Variants in ADAMTS17 observed in about 807,000 individuals in gnomAD.
ADAMTS17 encodes A disintegrin and metalloproteinase with thrombospondin motifs 17.
ADAMTS17 carries 113 observed loss-of-function variants against 141.5 expected under a neutral mutation model. The ratio of observed to expected loss-of-function variants is 0.80; its 90% CI spans 0.69 to 0.93. The LOEUF (loss-of-function observed/expected upper bound fraction) is 0.93, where lower values mean the gene tolerates loss of function less well. Among genes scored for constraint, ADAMTS17 ranks in the 40% least tolerant of loss-of-function variants. The probability of loss-of-function intolerance (pLI) is 0.00; values close to 1 mark genes in which losing one functional copy is unlikely to be tolerated. For missense variants in ADAMTS17, 1,659 were observed against 1,517.9 expected (o/e 1.09, Z -1.54); for synonymous variants, 768 against 630.6 (o/e 1.22, Z -3.27).
chr15:100,158,834 G>C (rs931913994), intron 8 of ADAMTS17, among the ~76,000 whole-genome samples: 1 of 151,324 alleles, frequency 6.6e-6, no homozygotes, highest in South Asian at 2.1e-4. Context: ...TTTCTCTAAA[G>C]AAGACATACA....
intron 10 of ADAMTS17, among the ~76,000 whole-genome samples, chr15:100,133,683 C>A (rs534682155): frequency 6.6e-6 from 1 of 152,254 alleles, no homozygotes; most frequent in Non-Finnish European, 1.5e-5. Flanking sequence ...GAGGGGCTGT[C>A]TAGGGGACAC....
chr15:100,115,264 A>T (rs2037042430), intron 13 of ADAMTS17, among the ~76,000 whole-genome samples: 1 of 152,156 alleles, frequency 6.6e-6, no homozygotes, highest in African/African-American at 2.4e-5. Context: ...AGCCAGGCGG[A>T]GGGAGGCAAA....
intron 15 of ADAMTS17, among the ~76,000 whole-genome samples, chr15:100,068,070 C>T (rs1049164778): frequency 6.6e-6 from 1 of 152,096 alleles, no homozygotes; most frequent in Non-Finnish European, 1.5e-5. Context: ...TGTGCTTTTC[C>T]AACGGTCTTA....
chr15:100,240,329 T>A (rs1335762152), intron 7 of ADAMTS17, among the ~76,000 whole-genome samples: 1 of 152,224 alleles, frequency 6.6e-6, no homozygotes, highest in East Asian at 1.9e-4. Context: ...CCCAGATGCC[T>A]TCAGCAACGT....
intron 10 of ADAMTS17, among the ~76,000 whole-genome samples, chr15:100,136,823 G>A (rs1050379115): frequency 2.0e-5 from 3 of 152,162 alleles, no homozygotes; most frequent in Non-Finnish European, 2.9e-5. Flanking sequence ...AAAATAATGA[G>A]CCCAGAGGCG....
rs372210388 is a variant in ADAMTS17 at position 100,127,293 on chromosome 15, T to C, written c.1721+4714A>G. ...GGATTTGGGTGGGCCCTAAATCCAATGACAAGCGTTCTTCCAAGGGAAGAA... is the reference window on the plus strand; with the variant it reads ...GGATTTGGGTGGGCCCTAAATCCAACGACAAGCGTTCTTCCAAGGGAAGAA... On this transcript the variant is annotated intron_variant, in intron 12 of 21. Transcript: ENST00000268070. Among the ~76,000 whole-genome samples the C allele has an allele frequency of 2.7e-4, 41 of 152,160 alleles. No homozygotes were observed. The East Asian group carries it at 7.0e-3, about 26-fold the overall frequency.
chr15:100,060,326 A>G (rs1213368244), intron 15 of ADAMTS17, among the ~76,000 whole-genome samples: 1 of 152,242 alleles, frequency 6.6e-6, no homozygotes, highest in Non-Finnish European at 1.5e-5. Flanking sequence ...CCACCAGGGC[A>G]GAACAAAACC....
intron 3 of ADAMTS17, among the ~76,000 whole-genome samples, chr15:100,293,555 CTG>C (rs905680838): frequency 1.3e-5 from 2 of 152,190 alleles, no homozygotes; most frequent in Admixed American, 6.5e-5. Context: ...GACTGGAACT[CTG>C]GAGGTCACCC....
intron 7 of ADAMTS17, among the ~76,000 whole-genome samples, chr15:100,213,406 A>G (rs573640890): frequency 6.6e-6 from 1 of 152,356 alleles, no homozygotes; most frequent in East Asian, 1.9e-4. Flanking sequence ...GATTGCTCAG[A>G]AAATCGATGT....
chr15:100,131,964 T>G, intron 12 of ADAMTS17, 43 bp downstream of exon 12: 1 of 1,613,780 alleles, frequency 6.2e-7, no homozygotes, highest in Non-Finnish European at 8.5e-7. Flanking sequence ...GTTGGGAAAC[T>G]CCAATCGTGG....
intron 8 of ADAMTS17, among the ~76,000 whole-genome samples, chr15:100,193,911 C>T (rs939326221): frequency 1.3e-5 from 2 of 152,176 alleles, no homozygotes; most frequent in Non-Finnish European, 2.9e-5. Context: ...AGGCTGAGCA[C>T]GTGCGTGGCG....
chr15:100,084,718 T>A (rs1384608715), intron 15 of ADAMTS17, among the ~76,000 whole-genome samples: 1 of 152,190 alleles, frequency 6.6e-6, no homozygotes, highest in African/African-American at 2.4e-5. Flanking sequence ...CTGCTCCTGA[T>A]ACCCAGGCAA....
At chr15:100,126,932 G>A (rs551086618) in intron 12 of ADAMTS17, among the ~76,000 whole-genome samples, 7 of 152,352 alleles carry the variant, frequency 4.6e-5, no homozygotes, top group Admixed American at 2.0e-4. Flanking sequence ...GTTGTAACAC[G>A]TGTAACGTAA....
At chr15:100,162,443 TATAGTTATATA>T (rs1567284422) in intron 8 of ADAMTS17, among the ~76,000 whole-genome samples, 11 of 132,036 alleles carry the variant, frequency 8.3e-5, no homozygotes, top group Non-Finnish European at 1.6e-4. Context: ...TATATACACA[TATAGTTATATA>T]TATGCACATA....
intron 3 of ADAMTS17, among the ~76,000 whole-genome samples, chr15:100,313,768 A>C (rs573555321): frequency 6.2e-4 from 94 of 151,386 alleles, no homozygotes; most frequent in African/African-American, 2.1e-3. Flanking sequence ...CCCAAACGTC[A>C]CCATGAAGAA....
chr15:100,116,703 G>T, intron 13 of ADAMTS17, 144 bp downstream of exon 13: 1 of 1,109,268 alleles, frequency 9.0e-7, no homozygotes, highest in Non-Finnish European at 1.3e-6. Context: ...TACAAAGTTG[G>T]GCCGCAGCTG....
At chr15:100,134,220 G>A (rs564340791) in intron 10 of ADAMTS17, among the ~76,000 whole-genome samples, 1 of 152,202 alleles carries the variant, frequency 6.6e-6, no homozygotes, top group East Asian at 1.9e-4. Flanking sequence ...AGAGGGTCCT[G>A]GGGGGGATGG....
rs892907 is a variant in ADAMTS17 at position 100,022,437 on chromosome 15, A to C, written c.2592-24848T>G. Among the ~76,000 whole-genome samples, 1,342 of 152,318 alleles carry C rather than the reference A, an allele frequency of 8.8e-3. 21 individuals are homozygous for C. Among genetic ancestry groups the C allele is most frequent in the African/African-American group, 0.031 (1,274 of 41,564 alleles). On this transcript the variant is annotated intron_variant, in intron 18 of 21. Transcript: ENST00000268070. ...AAAACAACCAGCAGTTTCCTATAAA[A>C]AGTGACAGTGGGATAAGTCTACATT... is the stretch of plus-strand genomic sequence containing the variant.
At chr15:100,069,331 A>G (rs576408750) in intron 15 of ADAMTS17, among the ~76,000 whole-genome samples, 1 of 150,780 alleles carries the variant, frequency 6.6e-6, no homozygotes, top group East Asian at 2.0e-4. Context: ...AGGATATTAT[A>G]CAGGAGAACT....
Sources: allele counts gnomAD v4.1 joint callset (sites outside exome capture counted in the v4.1 genomes callset), GRCh38; gene constraint gnomAD v4.1.1; transcripts MANE v1.5; gene names NCBI Gene and HGNC (gene_info 2026-07-23, HGNC 2026-07-21).